Variants in SPOCK1 observed in about 807,000 individuals in gnomAD.
SPOCK1 encodes SPARC (osteonectin), cwcv and kazal like domains proteoglycan 1.
SPOCK1 carries 23 observed loss-of-function variants against 55.3 expected under a neutral mutation model. The observed-to-expected ratio is 0.42, with a 90% CI of 0.30 to 0.59. The LOEUF is 0.59. Ranked by LOEUF, SPOCK1 falls within the 20% of genes least tolerant of loss-of-function variation. The probability of loss-of-function intolerance (pLI) is 0.22; values close to 1 mark genes in which losing one functional copy is unlikely to be tolerated. For synonymous variants in SPOCK1, 226 were observed against 221.0 expected (o/e 1.02, Z -0.20); for missense variants, 499 against 552.5 (o/e 0.90, Z 0.97).
chr5:137,137,361 G>A (rs1016799510), intron 4 of SPOCK1, among the ~76,000 whole-genome samples: 1 of 152,170 alleles, frequency 6.6e-6, no homozygotes, highest in African/African-American at 2.4e-5. Flanking sequence ...TGGTCAGAGG[G>A]GACTCCTGGA....
intron 3 of SPOCK1, among the ~76,000 whole-genome samples, chr5:137,231,496 T>A (rs1033756215): frequency 1.3e-5 from 2 of 152,212 alleles, no homozygotes; most frequent in Non-Finnish European, 2.9e-5. Flanking sequence ...AGTCTAACAT[T>A]TTGGGGACTG....
chr5:137,439,953 T>C (rs1006485126), intron 2 of SPOCK1, among the ~76,000 whole-genome samples: 1 of 152,164 alleles, frequency 6.6e-6, no homozygotes, highest in Non-Finnish European at 1.5e-5. Flanking sequence ...AACAGCTTTG[T>C]AGTCCCTCTT....
At chr5:137,235,135 A>T (rs999787663) in intron 3 of SPOCK1, among the ~76,000 whole-genome samples, 5 of 152,196 alleles carry the variant, frequency 3.3e-5, no homozygotes, top group Non-Finnish European at 7.3e-5. Flanking sequence ...TCCCAGGAAG[A>T]TCTAGCGTCA....
chr5:136,999,823 C>CAATTGG (rs1751114591), intron 6 of SPOCK1, among the ~76,000 whole-genome samples: 1 of 152,154 alleles, frequency 6.6e-6, no homozygotes, highest in Admixed American at 6.5e-5. Flanking sequence ...TTTGAACACC[C>CAATTGG]AATTGGGGAT....
At chr5:137,305,524 G>A (rs900009577) in intron 2 of SPOCK1, among the ~76,000 whole-genome samples, 6 of 152,184 alleles carry the variant, frequency 3.9e-5, no homozygotes, top group African/African-American at 7.2e-5. Flanking sequence ...CCTGGCCACC[G>A]GAAGTGCTCC....
At chr5:137,453,709 A>G (rs1037629708) in intron 2 of SPOCK1, among the ~76,000 whole-genome samples, 23 of 152,310 alleles carry the variant, frequency 1.5e-4, no homozygotes, top group African/African-American at 5.1e-4. Context: ...GCTGAGATAC[A>G]TATTACCACT....
At chr5:137,156,389 T>C (rs1347257978) in intron 3 of SPOCK1, among the ~76,000 whole-genome samples, 5 of 152,168 alleles carry the variant, frequency 3.3e-5, no homozygotes, top group Non-Finnish European at 7.3e-5. Flanking sequence ...ATTCTTATCC[T>C]GGAGCAAAAT....
chr5:137,174,430 C>A (rs767642890), intron 3 of SPOCK1, among the ~76,000 whole-genome samples: 10 of 152,188 alleles, frequency 6.6e-5, no homozygotes, highest in Admixed American at 2.0e-4. Flanking sequence ...TTCCCTGAGG[C>A]TACAATTCCT....
chr5:137,137,830 A>T (rs1754016442), intron 4 of SPOCK1, among the ~76,000 whole-genome samples: 1 of 152,194 alleles, frequency 6.6e-6, no homozygotes, highest in African/African-American at 2.4e-5. Context: ...AACTTTGGAG[A>T]TTTCTGGCTG....
chr5:137,063,405 GAA>G (rs546494577), intron 6 of SPOCK1, among the ~76,000 whole-genome samples: 1 of 123,676 alleles, frequency 8.1e-6, no homozygotes, highest in Admixed American at 8.3e-5. Context: ...TTTGACTTCT[GAA>G]AAAAAAAAAA....
intron 2 of SPOCK1, among the ~76,000 whole-genome samples, chr5:137,355,567 G>T (rs879618762): frequency 6.6e-6 from 1 of 152,200 alleles, no homozygotes; most frequent in Non-Finnish European, 1.5e-5. Flanking sequence ...ACAAGGAGTT[G>T]AAGTAATCCA....
intron 2 of SPOCK1, among the ~76,000 whole-genome samples, chr5:137,364,352 G>A (rs1474246221): frequency 6.6e-6 from 1 of 152,156 alleles, no homozygotes; most frequent in Non-Finnish European, 1.5e-5. Flanking sequence ...GGCACCATGG[G>A]GCTTAACACT....
intron 6 of SPOCK1, among the ~76,000 whole-genome samples, chr5:137,039,129 C>T (rs1751940107): frequency 6.6e-6 from 1 of 152,048 alleles, no homozygotes; most frequent in Non-Finnish European, 1.5e-5. Flanking sequence ...AAAACAACTC[C>T]ACGAGGAGGT....
chr5:137,468,876 A>T (rs1202058553), intron 2 of SPOCK1, among the ~76,000 whole-genome samples: 1 of 152,018 alleles, frequency 6.6e-6, no homozygotes, highest in Non-Finnish European at 1.5e-5. Flanking sequence ...GTTCCCCCCA[A>T]CTCACACACA....
chr5:137,323,805 T>C (rs913461353), intron 2 of SPOCK1, among the ~76,000 whole-genome samples: 1 of 152,164 alleles, frequency 6.6e-6, no homozygotes, highest in African/African-American at 2.4e-5. Flanking sequence ...CTGGAATGAC[T>C]ATCACCAAAA....
At chr5:137,196,605 C>T (rs187838541) in intron 3 of SPOCK1, among the ~76,000 whole-genome samples, 78 of 152,370 alleles carry the variant, frequency 5.1e-4, no homozygotes, top group Non-Finnish European at 1.1e-3. Flanking sequence ...AGTCTCAGCT[C>T]GAATGCCACT....
At chr5:137,353,439 A>T (rs1750725345) in intron 2 of SPOCK1, among the ~76,000 whole-genome samples, 1 of 152,162 alleles carries the variant, frequency 6.6e-6, no homozygotes, top group Non-Finnish European at 1.5e-5. Context: ...AAGGGAACCC[A>T]CTGCCGCCTT....
At chr5:137,186,498 C>A (rs1480054464) in intron 3 of SPOCK1, among the ~76,000 whole-genome samples, 4 of 152,206 alleles carry the variant, frequency 2.6e-5, no homozygotes, top group African/African-American at 9.6e-5. Context: ...AGCCCTGGAC[C>A]AAACTGGACA....
At chr5:137,125,991 G>T (rs1670383050) in intron 4 of SPOCK1, among the ~76,000 whole-genome samples, 1 of 152,160 alleles carries the variant, frequency 6.6e-6, no homozygotes, top group Non-Finnish European at 1.5e-5. Context: ...GGTAGAAATT[G>T]GATAGTAATA....
Sources: gnomAD v4.1 joint callset for allele counts (sites outside exome capture counted in the v4.1 genomes callset) on GRCh38, gnomAD v4.1.1 for gene constraint, MANE v1.5 for transcripts, NCBI Gene and HGNC (gene_info 2026-07-23, HGNC 2026-07-21) for gene names.